The following GALNTL6 variants were observed in gnomAD, a reference collection of about 807,000 sequenced individuals.
The protein encoded by GALNTL6 is polypeptide N-acetylgalactosaminyltransferase like 6, also known as polypeptide N-acetylgalactosaminyltransferase-like 6.
A neutral mutation model predicts 73.7 loss-of-function variants in GALNTL6; 46 were observed. The ratio of observed to expected loss-of-function variants is 0.62; its 90% confidence interval spans 0.49 to 0.80. The LOEUF (loss-of-function observed/expected upper bound fraction) is 0.80, where lower values mean the gene tolerates loss of function less well. GALNTL6 is among the 30% of genes least tolerant of loss of function. The pLI, the probability that GALNTL6 is intolerant of heterozygous loss-of-function variation, is 0.00. For synonymous variants in GALNTL6, 259 were observed against 263.7 expected (o/e 0.98, Z 0.17); for missense variants, 604 against 755.0 (o/e 0.80, Z 2.34).
At chr4:172,598,676 A>G (rs1289184770) in intron 5 of GALNTL6, among the ~76,000 whole-genome samples, 2 of 152,078 alleles carry the variant, frequency 1.3e-5, no homozygotes, top group Non-Finnish European at 2.9e-5. Context: ...TTTGGTACCT[A>G]TCATCCAAAC....
chr4:172,862,563 G>T (rs1316004122), intron 7 of GALNTL6, among the ~76,000 whole-genome samples: 2 of 152,122 alleles, frequency 1.3e-5, no homozygotes, highest in African/African-American at 4.8e-5. Flanking sequence ...AACTGGGCAT[G>T]GTGGCATGCA....
At chr4:172,869,719 A>G (rs1302683838) in intron 7 of GALNTL6, among the ~76,000 whole-genome samples, 2 of 152,156 alleles carry the variant, frequency 1.3e-5, no homozygotes, top group Admixed American at 1.3e-4. Flanking sequence ...TCCTTTCACC[A>G]TCTTCTGGTA....
chr4:172,872,764 T>C (rs1290903652), intron 7 of GALNTL6, among the ~76,000 whole-genome samples: 1 of 152,232 alleles, frequency 6.6e-6, no homozygotes, highest in Non-Finnish European at 1.5e-5. Flanking sequence ...TAGCTTGATC[T>C]TTTCTGCTTT....
intron 10 of GALNTL6, among the ~76,000 whole-genome samples, chr4:173,006,085 C>A (rs1752267445): frequency 6.6e-6 from 1 of 152,166 alleles, no homozygotes; most frequent in Non-Finnish European, 1.5e-5. Flanking sequence ...TCCCCCACAT[C>A]CTCCTTTTCC....
In GALNTL6 at chr4:172,303,005, T is replaced by C. The variant is rs552870821; in HGVS notation, c.248-8609T>C. ...CTACATTTAAATTTTTATTTATTTA[T>C]TTTTATTTTTTTGAAATGGAGTCTC... On this transcript the variant is annotated intron_variant, in intron 3 of 12. Coordinates refer to ENST00000506823, the MANE Select transcript of GALNTL6 (RefSeq NM_001034845.3). Among the ~76,000 whole-genome samples the C allele has an allele frequency of 1.9e-4, 29 of 152,220 alleles. No homozygotes were observed. In the South Asian group the frequency reaches 5.8e-3, roughly 30 times the overall value.
chr4:172,949,100 T>C (rs917946217), intron 9 of GALNTL6, among the ~76,000 whole-genome samples: 1 of 152,204 alleles, frequency 6.6e-6, no homozygotes, highest in Non-Finnish European at 1.5e-5. Context: ...TTTCAATTGT[T>C]CCCATTTCAG....
At chr4:172,694,049 G>A (rs759450068) in intron 5 of GALNTL6, among the ~76,000 whole-genome samples, 3 of 151,888 alleles carry the variant, frequency 2.0e-5, no homozygotes, top group Non-Finnish European at 4.4e-5. Context: ...AAATTAGCCT[G>A]CGTACTGAGG....
intron 5 of GALNTL6, among the ~76,000 whole-genome samples, chr4:172,527,544 T>C (rs549478771): frequency 6.6e-6 from 1 of 152,182 alleles, no homozygotes; most frequent in Non-Finnish European, 1.5e-5. Flanking sequence ...TAGCCCTTCT[T>C]CCTTTCCATA....
chr4:172,561,020 A>G (rs527949249), intron 5 of GALNTL6, among the ~76,000 whole-genome samples: 133 of 151,776 alleles, frequency 8.8e-4, no homozygotes, highest in African/African-American at 2.9e-3. Context: ...TTGGGAGGCC[A>G]AGGCGGGTGG....
At chr4:172,831,290 G>C (rs55797362) in intron 7 of GALNTL6, among the ~76,000 whole-genome samples, 2 of 150,938 alleles carry the variant, frequency 1.3e-5, no homozygotes, top group Non-Finnish European at 2.9e-5. Context: ...GAGTGGCCTA[G>C]AACCCAAGCA....
intron 5 of GALNTL6, among the ~76,000 whole-genome samples, chr4:172,765,541 C>CCCTGAG (rs1738356247): frequency 3.1e-5 from 3 of 97,694 alleles, no homozygotes; most frequent in African/African-American, 1.8e-4. Context: ...ATTGTCCATA[C>CCCTGAG]TCTGAGTAGT....
At chr4:171,872,916 A>G (rs36000930) in intron 2 of GALNTL6, among the ~76,000 whole-genome samples, 36,011 of 151,936 alleles carry the variant, frequency 0.24, 5,161 homozygotes, top group African/African-American at 0.41. Context: ...TGGCAAGATG[A>G]TTGACATGGA....
chr4:171,891,920 G>A (rs1409873004), intron 2 of GALNTL6, among the ~76,000 whole-genome samples: 1 of 152,070 alleles, frequency 6.6e-6, no homozygotes, highest in South Asian at 2.1e-4. Context: ...ATCTGGCAAC[G>A]CTATTACAGG....
chr4:172,215,981 T>C (rs1038056972), intron 2 of GALNTL6, among the ~76,000 whole-genome samples: 1 of 152,172 alleles, frequency 6.6e-6, no homozygotes, highest in Admixed American at 6.5e-5. Flanking sequence ...CTCCAGTCCC[T>C]TGGAACATTG....
chr4:171,928,200 G>A (rs1738052629), intron 2 of GALNTL6, among the ~76,000 whole-genome samples: 3 of 152,150 alleles, frequency 2.0e-5, no homozygotes, highest in Non-Finnish European at 2.9e-5. Context: ...AGTGTTTAGT[G>A]CAAAATAAGT....
intron 5 of GALNTL6, among the ~76,000 whole-genome samples, chr4:172,757,545 A>G (rs1319836880): frequency 6.6e-6 from 1 of 152,328 alleles, no homozygotes; most frequent in East Asian, 1.9e-4. Context: ...TAAAATCAGA[A>G]CTTGAACTCC....
chr4:172,925,180 T>G (rs1211336458), intron 8 of GALNTL6, among the ~76,000 whole-genome samples: 81 of 151,506 alleles, frequency 5.3e-4, no homozygotes, highest in African/African-American at 1.5e-3. Context: ...CTTATGTTTT[T>G]TTTTTTTTTT....
intron 5 of GALNTL6, among the ~76,000 whole-genome samples, chr4:172,409,245 T>C (rs369536302): frequency 1.6e-4 from 25 of 152,160 alleles, no homozygotes; most frequent in East Asian, 9.6e-4. Context: ...AAGTAAGATA[T>C]TCCAATTAAC....
chr4:172,154,878 G>A (rs1187028221), intron 2 of GALNTL6, among the ~76,000 whole-genome samples: 7 of 152,198 alleles, frequency 4.6e-5, no homozygotes, highest in Non-Finnish European at 1.0e-4. Context: ...CATGGCTGTA[G>A]TCTGAAAGTT....
Sources: gnomAD v4.1 joint callset for allele counts (sites outside exome capture counted in the v4.1 genomes callset) on GRCh38, gnomAD v4.1.1 for gene constraint, MANE v1.5 for transcripts, NCBI Gene and HGNC (gene_info 2026-07-23, HGNC 2026-07-21) for gene names.